FARP2: variants seen among roughly 807,000 people sequenced by gnomAD.
FARP2 encodes FERM, ARH/RhoGEF and pleckstrin domain protein 2.
In FARP2, 111 loss-of-function variants were observed where a neutral mutation model predicts 130.5. That is an observed-to-expected ratio of 0.85 (90% confidence interval 0.73 to 1.00). The LOEUF is 1.00. FARP2 is among the 50% of genes least tolerant of loss of function. The probability of loss-of-function intolerance (pLI) is 0.00; values close to 1 mark genes in which losing one functional copy is unlikely to be tolerated. For missense variants in FARP2, 1,385 were observed against 1,346.3 expected, an observed-to-expected ratio of 1.03 and a Z score of -0.45; for synonymous variants, 504 against 516.9, an observed-to-expected ratio of 0.98 and a Z score of 0.34.
At chr2:241,463,727 C>A in intron 16 of FARP2, 172 bp from the exon 17 acceptor site, 1 of 679,348 alleles carries the variant, frequency 1.5e-6, no homozygotes, top group Middle Eastern at 3.3e-4. Flanking sequence ...AATGGCCAGA[C>A]ACATAATAGC....
At chr2:241,456,694 C>T in intron 13 of FARP2, 53 bp from the exon 14 acceptor site, 2 of 1,581,924 alleles carry the variant, frequency 1.3e-6, no homozygotes, top group South Asian at 1.1e-5. Context: ...TCTAAGCCAG[C>T]CTCACAGCCC....
At chr2:241,387,429 A>G (rs2061810348) in intron 2 of FARP2, 1 of 152,246 alleles carries the variant, frequency 6.6e-6, no homozygotes, top group African/African-American at 2.4e-5. Context: ...TGCAGGATAC[A>G]AGATTAATAT....
intron 13 of FARP2, 91 bp from the exon 14 acceptor site, chr2:241,456,656 G>T (rs1371044747): frequency 9.2e-6 from 12 of 1,299,024 alleles, no homozygotes; most frequent in Admixed American, 1.8e-5. Context: ...GAGGCTGGCG[G>T]TTGAATGGTC....
At chr2:241,472,008 G>A (rs557310443) in intron 18 of FARP2, among the ~76,000 whole-genome samples, 22 of 144,832 alleles carry the variant, frequency 1.5e-4, no homozygotes, top group Non-Finnish European at 3.1e-4. Context: ...TGTTATGTGG[G>A]GAACCTGTTT....
At chr2:241,362,233 A>C (rs932805959) in intron 1 of FARP2, among the ~76,000 whole-genome samples, 1 of 152,080 alleles carries the variant, frequency 6.6e-6, no homozygotes, top group Non-Finnish European at 1.5e-5. Context: ...CTTTGTTAGT[A>C]TAGTAGTTAA....
At chr2:241,406,086 A>C (rs186121675) in intron 4 of FARP2, among the ~76,000 whole-genome samples, 3,142 of 152,076 alleles carry the variant, frequency 0.021, 96 homozygotes, top group African/African-American at 0.064. Context: ...GGCAGATCAC[A>C]AGGTCAGGAG....
In FARP2 at chr2:241,403,900, G is replaced by C. The variant is rs754074961; in HGVS notation, c.256G>C (p.Gly86Arg). 2 of 1,613,114 alleles carry C rather than the reference G, an allele frequency of 1.2e-6. No homozygotes were observed. The highest frequency in any genetic ancestry group is 3.3e-5 in the Admixed American group (2 of 59,986). Residue 86 changes from glycine to arginine, a missense_variant, in exon 3 of 27, where the codon GGG becomes CGG. Physicochemically the swap from Gly to Arg is moderately radical, Grantham distance 125. Coordinates refer to ENST00000264042, the MANE Select transcript of FARP2 (RefSeq NM_014808.4). ...RLNLVECDYF[G>R]MEFQNTQSYW... ...AAACCTGGTAGAATGTGACTACTTC[G>C]GGATGGAGTTTCAAAATACTCAGTC...
chr2:241,416,678 A>G (rs1395557045), intron 7 of FARP2, among the ~76,000 whole-genome samples: 3 of 151,722 alleles, frequency 2.0e-5, no homozygotes, highest in Non-Finnish European at 4.4e-5. Flanking sequence ...TGTAATCCCA[A>G]CACTTTGAGA....
intron 12 of FARP2, among the ~76,000 whole-genome samples, chr2:241,440,107 C>G (rs2063343557): frequency 6.6e-6 from 1 of 152,140 alleles, no homozygotes; most frequent in South Asian, 2.1e-4. Context: ...TGGACTGTGG[C>G]CTACTATTTT....
intron 2 of FARP2, among the ~76,000 whole-genome samples, chr2:241,397,043 G>A (rs2062047070): frequency 6.6e-6 from 1 of 152,196 alleles, no homozygotes; most frequent in Admixed American, 6.5e-5. Flanking sequence ...AGGGACATGG[G>A]TGAAATTGGA....
At chr2:241,447,465 G>A (rs940328888) in intron 13 of FARP2, among the ~76,000 whole-genome samples, 20 of 152,138 alleles carry the variant, frequency 1.3e-4, no homozygotes, top group African/African-American at 4.8e-4. Context: ...CGGGGAGGAC[G>A]TGCCGTGCAG....
chr2:241,387,217 C>T (rs916378110), intron 2 of FARP2: 7 of 152,004 alleles, frequency 4.6e-5, no homozygotes, highest in Non-Finnish European at 7.4e-5. Flanking sequence ...AAGACGTACC[C>T]GATACTAGAG....
intron 8 of FARP2, among the ~76,000 whole-genome samples, chr2:241,425,550 G>A (rs944918151): frequency 6.6e-6 from 1 of 150,774 alleles, no homozygotes; most frequent in South Asian, 2.1e-4. Flanking sequence ...AGAAAGCAAC[G>A]GGGCTTTCCG....
chr2:241,453,175 C>CA (rs1328079214), intron 13 of FARP2, among the ~76,000 whole-genome samples: 2 of 149,146 alleles, frequency 1.3e-5, no homozygotes, highest in South Asian at 2.1e-4. Flanking sequence ...ACTAAAAATA[C>CA]AAAAATTAGC....
Position 241,380,574 on chromosome 2 carries a change from C to G in FARP2, c.183+7284C>G, listed in dbSNP as rs77880893. On this transcript the variant is annotated intron_variant, in intron 2 of 26. Transcript: ENST00000264042. ...TGCTTATTAGTCAAGCATCCCGAAT[C>G]TGAAAATCCAAAACCTGAATTGTTC... Among the ~76,000 whole-genome samples, 502 of 152,136 alleles carry G rather than the reference C, an allele frequency of 3.3e-3. 1 individual carries two copies. The highest frequency in any genetic ancestry group is 0.012 in the African/African-American group (489 of 41,494).
At chr2:241,477,179 G>C (rs916253425) in intron 19 of FARP2, among the ~76,000 whole-genome samples, 49 of 146,026 alleles carry the variant, frequency 3.4e-4, no homozygotes, top group African/African-American at 1.2e-3. Flanking sequence ...CACCAGGCTG[G>C]GGTGCAGTGC....
At chr2:241,431,889 C>T (rs373370371) in intron 9 of FARP2, 115 bp downstream of exon 9, 43 of 267,348 alleles carry the variant, frequency 1.6e-4, no homozygotes, top group East Asian at 1.6e-3. Context: ...GGCATGATCT[C>T]GGCTCACCGC....
In FARP2 at chr2:241,357,984, G is replaced by T. The variant is rs1423922315; in HGVS notation, c.-25+1596G>T. On this transcript the variant is annotated intron_variant, in intron 1 of 26. Coordinates refer to ENST00000264042, the MANE Select transcript of FARP2 (RefSeq NM_014808.4). ...GCAGGCAGATTGCATGAGCTCAGGG[G>T]TTCCAGACCAGCCTGCTCAACAGGG... Among the ~76,000 whole-genome samples the T allele has an allele frequency of 2.6e-5, 4 of 152,310 alleles. No homozygotes were observed. In the East Asian group the frequency reaches 7.7e-4, roughly 29 times the overall value.
At chr2:241,425,914 C>T (rs1479502401) in intron 8 of FARP2, among the ~76,000 whole-genome samples, 7 of 150,972 alleles carry the variant, frequency 4.6e-5, no homozygotes, top group East Asian at 1.9e-4. Context: ...TCAGTTTCCC[C>T]GAGCATTTGG....
Sources: gnomAD v4.1 joint callset for allele counts (sites outside exome capture counted in the v4.1 genomes callset) on GRCh38, gnomAD v4.1.1 for gene constraint, MANE v1.5 for transcripts, NCBI Gene and HGNC (gene_info 2026-07-23, HGNC 2026-07-21) for gene names.